ANKRD36: variants seen among roughly 807,000 people sequenced by gnomAD.
The protein encoded by ANKRD36 is ankyrin repeat domain 36, also known as ankyrin repeat domain-containing protein 36A.
ANKRD36 carries 179 observed loss-of-function variants against 278.1 expected under a neutral mutation model. The observed-to-expected ratio is 0.64, with a 90% CI of 0.57 to 0.73. The LOEUF is 0.73. Ranked by LOEUF, ANKRD36 falls within the 30% of genes least tolerant of loss-of-function variation. The probability of loss-of-function intolerance (pLI) is 0.00; values close to 1 mark genes in which losing one functional copy is unlikely to be tolerated. For synonymous variants in ANKRD36, 320 were observed against 641.1 expected (o/e 0.50, Z 7.57); for missense variants, 1,159 against 1,956.7 (o/e 0.59, Z 7.69).
intron 44 of ANKRD36, among the ~76,000 whole-genome samples, chr2:97,200,055 C>G (rs537107405): frequency 6.6e-6 from 1 of 151,856 alleles, no homozygotes; most frequent in Non-Finnish European, 1.5e-5. Flanking sequence ...TCTCATCACT[C>G]GGCATATCCA....
rs529942716 is a variant in ANKRD36 at position 97,243,126 on chromosome 2, G to A, written c.4308-720G>A. On this transcript the variant is annotated intron_variant, in intron 69 of 75. Coordinates refer to ENST00000420699, the MANE Select transcript of ANKRD36 (RefSeq NM_001354587.1). ...TATTCTGAGCCAAATATGAGTGACCGTGGCCCCCGACACAGCCCTCAGGAG... is the reference window on the plus strand; with the variant it reads ...TATTCTGAGCCAAATATGAGTGACCATGGCCCCCGACACAGCCCTCAGGAG... Among the ~76,000 whole-genome samples, 926 of 135,640 alleles carry A rather than the reference G, an allele frequency of 6.8e-3. 15 individuals are homozygous for A. Among genetic ancestry groups the A allele is most frequent in the South Asian group, 0.016 (55 of 3,510 alleles). The allele number at this position is 135,640 out of a possible 152,430, so 89.0% of individuals were successfully genotyped here. A position where few individuals can be genotyped will look rare whatever the true frequency, so the allele number is the denominator to read the frequency against.
chr2:97,179,792 G>A lies in ANKRD36; in HGVS notation c.1662+26G>A, dbSNP rs555863461. On this transcript the variant is annotated intron_variant, in intron 23 of 75. Coordinates refer to ENST00000420699, the MANE Select transcript of ANKRD36 (RefSeq NM_001354587.1). ...GTAATTAAAGTCTCATTTATATGTT[G>A]AACTATTAACTGTATAGTCTATGAA... is the stretch of plus-strand genomic sequence containing the variant. 1.6e-4 allele frequency: 262 copies of A among 1,596,088 alleles called. 1 individual carries two copies. Among genetic ancestry groups the A allele is most frequent in the South Asian group, 7.4e-4 (67 of 90,492 alleles).
rs1301097886 is a variant in ANKRD36 at position 97,183,647 on chromosome 2, T to C, written c.1932T>C (p.Ser644=). 5 of 1,573,030 alleles carry C rather than the reference T, an allele frequency of 3.2e-6. No homozygotes were observed. In the African/African-American group the frequency reaches 6.8e-5, roughly 21 times the overall value. Residue 644 remains serine, a synonymous_variant, in exon 28 of 76, where the codon TCT becomes TCC. Transcript: ENST00000420699. ...IATRIMGGGK[S]GTVSSQKQPA... ...CAAGAATAATGGGTGGTGGGAAATC[T>C]GGAACAGGTAATTTGGCAATACACA...
chr2:97,185,514 A>G lies in ANKRD36; in HGVS notation c.2041+4A>G. ...GATGGACTACAGTGTGGGACAGGTA[A>G]TTTTGCAAAACACATTTAATGTCAT... On this transcript the variant is annotated splice_donor_region_variant and intron_variant, in intron 30 of 75. Coordinates refer to ENST00000420699, the MANE Select transcript of ANKRD36 (RefSeq NM_001354587.1). 1 of 1,609,960 alleles carries G rather than the reference A, an allele frequency of 6.2e-7. No homozygotes were observed. Among genetic ancestry groups the G allele is most frequent in the Non-Finnish European group, 8.5e-7 (1 of 1,178,034 alleles).
chr2:97,115,368 A>G (rs1341416032), intron 1 of ANKRD36, among the ~76,000 whole-genome samples: 1 of 152,136 alleles, frequency 6.6e-6, no homozygotes, highest in Non-Finnish European at 1.5e-5. Context: ...TTATATTCCT[A>G]CAAATATCAC....
chr2:97,193,726 A>G (rs1465698390), intron 38 of ANKRD36, among the ~76,000 whole-genome samples: 1 of 151,710 alleles, frequency 6.6e-6, no homozygotes. Context: ...ATTAGGCATC[A>G]GAGATACATG....
chr2:97,149,154 A>G, intron 11 of ANKRD36, 141 bp from the exon 12 acceptor site: 1 of 677,900 alleles, frequency 1.5e-6, no homozygotes. Context: ...AAGAAATATT[A>G]TTTAACATGC....
Position 97,202,344 on chromosome 2 carries a change from T to C in ANKRD36, c.2910T>C (p.Ser970=), listed in dbSNP as rs1378588595. The change falls in exon 48 of 76, where the codon TCT becomes TCC. Residue 970 remains serine, a synonymous_variant. Coordinates refer to ENST00000420699, the MANE Select transcript of ANKRD36 (RefSeq NM_001354587.1). ...ALKGTSDEED[S]VLGIARENKD... is the part of the protein sequence containing the mutation. ...AGGGTACAAGTGACGAGGAAGATTC[T>C]GTTTTGGGTATAGCCAGAGAAAACA... 3.8e-6 allele frequency: 6 copies of C among 1,566,414 alleles called. No homozygotes were observed. The highest frequency in any genetic ancestry group is 5.2e-6 in the Non-Finnish European group (6 of 1,159,562).
At chr2:97,201,681 T>C (rs1363145034) in intron 46 of ANKRD36, among the ~76,000 whole-genome samples, 1 of 151,910 alleles carries the variant, frequency 6.6e-6, no homozygotes, top group Non-Finnish European at 1.5e-5. Context: ...AGGTGATCAA[T>C]GTAGGACACT....
Position 97,215,745 on chromosome 2 carries a change from A to G in ANKRD36, c.3673+248A>G, listed in dbSNP as rs1576162550. 10 of 1,037,906 alleles carry G rather than the reference A, an allele frequency of 9.6e-6. No homozygotes were observed. The East Asian group carries it at 2.2e-4, about 23-fold the overall frequency. The allele number at this position is 1,037,906 out of a possible 1,614,324, so 64.3% of individuals were successfully genotyped here. ...GAGCCATAGGAGAGCGGTTCAGCAC[A>G]TAACAGCCTCAGGGGACAGCATCAT... On this transcript the variant is annotated intron_variant, in intron 62 of 75. Transcript: ENST00000420699.
chr2:97,171,666 C>T (rs1575280836), intron 22 of ANKRD36, among the ~76,000 whole-genome samples: 1 of 127,650 alleles, frequency 7.8e-6, no homozygotes, highest in Non-Finnish European at 1.6e-5. Context: ...CTAACCTGCA[C>T]AATGTGCACA....
chr2:97,231,623 C>T (rs1253861946), intron 67 of ANKRD36, among the ~76,000 whole-genome samples: 1 of 152,138 alleles, frequency 6.6e-6, no homozygotes, highest in East Asian at 2.0e-4. Context: ...TTGGGTCACA[C>T]ACGGTGCACT....
intron 11 of ANKRD36, among the ~76,000 whole-genome samples, chr2:97,147,471 C>A (rs200014960): frequency 6.6e-6 from 1 of 151,052 alleles, no homozygotes; most frequent in Non-Finnish European, 1.5e-5. Flanking sequence ...ACAAAGTATC[C>A]TCTAGTGCTT....
chr2:97,154,620 G>GT, intron 14 of ANKRD36, 55 bp from the exon 15 acceptor site: 1 of 1,402,578 alleles, frequency 7.1e-7, no homozygotes, highest in South Asian at 1.2e-5. Context: ...GACGGTTTTT[G>GT]TTTTCTTTTA....
chr2:97,193,604 T>G (rs922111809), intron 38 of ANKRD36, among the ~76,000 whole-genome samples: 1 of 151,204 alleles, frequency 6.6e-6, no homozygotes, highest in African/African-American at 2.4e-5. Context: ...CAGATGCACT[T>G]GGAATATTTT....
intron 22 of ANKRD36, among the ~76,000 whole-genome samples, chr2:97,173,398 C>T (rs62153943): frequency 3.3e-5 from 5 of 151,590 alleles, no homozygotes; most frequent in Admixed American, 2.0e-4. Context: ...ATACTCAAAC[C>T]GATGTGAGTG....
At chr2:97,121,287 C>T (rs1237588276) in intron 3 of ANKRD36, among the ~76,000 whole-genome samples, 8 of 152,136 alleles carry the variant, frequency 5.3e-5, no homozygotes, top group Admixed American at 4.6e-4. Context: ...GGTATGGTTG[C>T]ATAGGTTATG....
intron 67 of ANKRD36, among the ~76,000 whole-genome samples, chr2:97,226,607 T>A (rs1331762646): frequency 1.3e-5 from 2 of 152,056 alleles, no homozygotes; most frequent in Non-Finnish European, 2.9e-5. Flanking sequence ...TTTCTTTTGC[T>A]GTGCAAAATC....
chr2:97,196,932 G>C (rs2059930169), intron 42 of ANKRD36, 144 bp downstream of exon 42: 2 of 1,341,930 alleles, frequency 1.5e-6, no homozygotes, highest in Non-Finnish European at 1.0e-6. Flanking sequence ...TAGGTTCTTG[G>C]GTGATGCTGA....
Sources: allele counts gnomAD v4.1 joint callset (sites outside exome capture counted in the v4.1 genomes callset), GRCh38; gene constraint gnomAD v4.1.1; transcripts MANE v1.5; gene names NCBI Gene and HGNC (gene_info 2026-07-23, HGNC 2026-07-21).